NOS1AP: variants seen among roughly 807,000 people sequenced by gnomAD.
NOS1AP encodes nitric oxide synthase 1 adaptor protein.
In NOS1AP, 21 loss-of-function variants were observed where a neutral mutation model predicts 56.2. The observed-to-expected ratio is 0.37, with a 90% CI of 0.26 to 0.54. The LOEUF is 0.54. Among genes scored for constraint, NOS1AP ranks in the 20% least tolerant of loss-of-function variants. The pLI, the probability that NOS1AP is intolerant of heterozygous loss-of-function variation, is 0.84. For missense variants in NOS1AP, 522 were observed against 657.8 expected, an observed-to-expected ratio of 0.79 and a Z score of 2.26; for synonymous variants, 270 against 274.6, an observed-to-expected ratio of 0.98 and a Z score of 0.17.
At chr1:162,232,763 A>G (rs1299576107) in intron 2 of NOS1AP, among the ~76,000 whole-genome samples, 1 of 80,042 alleles carries the variant, frequency 1.2e-5, no homozygotes, top group Non-Finnish European at 2.5e-5. Context: ...TTGCTTTATT[A>G]TGTACCTATT....
At chr1:162,081,774 A>ATATATTTTTTTTTTTTTTTTTTTTTTTTT in intron 1 of NOS1AP, among the ~76,000 whole-genome samples, 2 of 44,058 alleles carry the variant, frequency 4.5e-5, no homozygotes, top group African/African-American at 1.5e-4. Context: ...ATATATATAT[A>ATATATTTTTTTTTTTTTTTTTTTTTTTTT]TTTTTTTTTT....
intron 1 of NOS1AP, among the ~76,000 whole-genome samples, chr1:162,079,678 A>G (rs1372722784): frequency 6.6e-6 from 1 of 152,232 alleles, no homozygotes; most frequent in African/African-American, 2.4e-5. Flanking sequence ...AGCACCGTGC[A>G]TGACACAGAG....
intron 1 of NOS1AP, among the ~76,000 whole-genome samples, chr1:162,151,879 C>T (rs947362925): frequency 9.2e-5 from 14 of 151,784 alleles, no homozygotes; most frequent in Admixed American, 5.9e-4. Flanking sequence ...CATGTACATG[C>T]GCACCATGAC....
chr1:162,200,693 G>A (rs575178538), intron 2 of NOS1AP, among the ~76,000 whole-genome samples: 1 of 152,312 alleles, frequency 6.6e-6, no homozygotes, highest in Admixed American at 6.5e-5. Flanking sequence ...AGAATCAGGA[G>A]TTCTCCAAAG....
chr1:162,330,336 C>T (rs534858913), intron 4 of NOS1AP, among the ~76,000 whole-genome samples: 1 of 152,226 alleles, frequency 6.6e-6, no homozygotes, highest in Admixed American at 6.5e-5. Context: ...CTGGGGATAC[C>T]AAGATGTGTT....
chr1:162,287,525 A>G (rs953999353), intron 3 of NOS1AP, 89 bp downstream of exon 3: 8 of 850,276 alleles, frequency 9.4e-6, no homozygotes, highest in Admixed American at 6.9e-5. Context: ...CCACCTCCAG[A>G]GAGAATCCCT....
chr1:162,266,488 T>C (rs1654428825), intron 2 of NOS1AP, among the ~76,000 whole-genome samples: 1 of 152,228 alleles, frequency 6.6e-6, no homozygotes, highest in East Asian at 1.9e-4. Flanking sequence ...AATTCTTCCC[T>C]TCTTAAATAC....
At chr1:162,158,693 A>G (rs1650073233) in intron 2 of NOS1AP, among the ~76,000 whole-genome samples, 1 of 152,170 alleles carries the variant, frequency 6.6e-6, no homozygotes, top group South Asian at 2.1e-4. Context: ...CAGATCTGGT[A>G]CTTTCCCCCT....
At chr1:162,319,717 G>C (rs1656351438) in intron 4 of NOS1AP, among the ~76,000 whole-genome samples, 1 of 152,108 alleles carries the variant, frequency 6.6e-6, no homozygotes, top group Non-Finnish European at 1.5e-5. Context: ...TGTCCTGAGA[G>C]CTCCTGCCAG....
chr1:162,161,596 C>CT (rs58494155), intron 2 of NOS1AP, among the ~76,000 whole-genome samples: 8 of 149,868 alleles, frequency 5.3e-5, no homozygotes, highest in South Asian at 2.1e-4. Flanking sequence ...TCTTTGCCTC[C>CT]TTTTTTTTTT....
At chr1:162,123,250 C>T (rs1403547074) in intron 1 of NOS1AP, among the ~76,000 whole-genome samples, 1 of 152,222 alleles carries the variant, frequency 6.6e-6, no homozygotes, top group Non-Finnish European at 1.5e-5. Context: ...CAGCTCACTG[C>T]AACTTCTGCT....
At chr1:162,138,192 CTG>C (rs2102071023) in intron 1 of NOS1AP, among the ~76,000 whole-genome samples, 1 of 152,258 alleles carries the variant, frequency 6.6e-6, no homozygotes, top group East Asian at 1.9e-4. Flanking sequence ...CTCATAGTTT[CTG>C]TGAGTCAGGT....
At chr1:162,351,352 A>G (rs1657488447) in intron 6 of NOS1AP, among the ~76,000 whole-genome samples, 2 of 152,178 alleles carry the variant, frequency 1.3e-5, no homozygotes, top group Non-Finnish European at 1.5e-5. Flanking sequence ...CTAAACCCCA[A>G]TTCTACATTA....
chr1:162,287,891 T>A (rs1034926147), intron 3 of NOS1AP, among the ~76,000 whole-genome samples: 1 of 152,198 alleles, frequency 6.6e-6, no homozygotes, highest in Non-Finnish European at 1.5e-5. Flanking sequence ...CCGTTGTATG[T>A]CCTTGCATCC....
chr1:162,319,232 G>C (rs550249856), intron 4 of NOS1AP, among the ~76,000 whole-genome samples: 4 of 152,336 alleles, frequency 2.6e-5, no homozygotes, highest in African/African-American at 9.6e-5. Context: ...GTAAGCAGCA[G>C]AATGGGGATT....
chr1:162,216,740 T>C (rs1262274261), intron 2 of NOS1AP, among the ~76,000 whole-genome samples: 1 of 152,238 alleles, frequency 6.6e-6, no homozygotes, highest in Non-Finnish European at 1.5e-5. Flanking sequence ...AAGAATGTTA[T>C]AAGAACACTG....
At chr1:162,193,774 A>C (rs910192119) in intron 2 of NOS1AP, among the ~76,000 whole-genome samples, 8 of 151,952 alleles carry the variant, frequency 5.3e-5, no homozygotes, top group Non-Finnish European at 1.2e-4. Flanking sequence ...TTTCTTCCTG[A>C]CCCTTTTTCT....
intron 1 of NOS1AP, among the ~76,000 whole-genome samples, chr1:162,153,175 C>T (rs1482953325): frequency 1.3e-5 from 2 of 152,214 alleles, no homozygotes; most frequent in Non-Finnish European, 2.9e-5. Flanking sequence ...ATCACCTGGG[C>T]TAGAGTGCCA....
intron 1 of NOS1AP, among the ~76,000 whole-genome samples, chr1:162,092,311 G>A (rs1223317918): frequency 6.6e-6 from 1 of 152,204 alleles, no homozygotes; most frequent in Non-Finnish European, 1.5e-5. Context: ...TGGTGTTTGT[G>A]TGGAATAATT....
Sources: gnomAD v4.1 joint callset for allele counts (sites outside exome capture counted in the v4.1 genomes callset) on GRCh38, gnomAD v4.1.1 for gene constraint, MANE v1.5 for transcripts, NCBI Gene and HGNC (gene_info 2026-07-23, HGNC 2026-07-21) for gene names.